HCN4: variants seen among roughly 807,000 people sequenced by gnomAD.
HCN4 encodes the protein hyperpolarization activated cyclic nucleotide gated potassium channel 4, also known as potassium/sodium hyperpolarization-activated cyclic nucleotide-gated channel 4.
Under a neutral mutation model 76.9 loss-of-function variants are expected in HCN4, and 29 were observed. That is an observed-to-expected ratio of 0.38 (90% confidence interval 0.28 to 0.51). The LOEUF (loss-of-function observed/expected upper bound fraction) is 0.51. Ranked by LOEUF, HCN4 falls within the 20% of genes least tolerant of loss-of-function variation. HCN4 has a pLI of 0.90. For missense variants in HCN4, 1,416 were observed against 1,715.2 expected (o/e 0.83, Z 3.08); for synonymous variants, 772 against 762.5 (o/e 1.01, Z -0.21).
chr15:73,326,848 A>G (rs1040437897), intron 4 of HCN4, among the ~76,000 whole-genome samples: 5 of 149,598 alleles, frequency 3.3e-5, no homozygotes, highest in African/African-American at 1.2e-4. Context: ...GTGCAGTGAT[A>G]TGAACACAGC....
chr15:73,362,701 G>T (rs1392665724), intron 1 of HCN4, among the ~76,000 whole-genome samples: 1 of 152,208 alleles, frequency 6.6e-6, no homozygotes, highest in Non-Finnish European at 1.5e-5. Flanking sequence ...GGTCAGCACA[G>T]TTGGAAACTC....
At chr15:73,355,622 T>G (rs1413449545) in intron 1 of HCN4, among the ~76,000 whole-genome samples, 1 of 152,174 alleles carries the variant, frequency 6.6e-6, no homozygotes, top group Non-Finnish European at 1.5e-5. Flanking sequence ...CCGCACCTTC[T>G]CAACAGCACA....
At position 73,323,128 on chromosome 15, in the gene HCN4, C is replaced by T; in HGVS notation, c.2965G>A (p.Gly989Ser). The T allele has an allele frequency of 6.3e-7, 1 of 1,593,406 alleles. No individual in the cohort carries two copies. Among genetic ancestry groups the T allele is most frequent in the Non-Finnish European group, 8.5e-7 (1 of 1,171,694 alleles). ...GGTGTCTCTGGCGTGCTCAGTGGGC[C>T]AGTGGCCAGACCTAGGGACAACTCC... ...PGELSLGLAT[G>S]PLSTPETPPR... Residue 989 changes from glycine to serine, a missense_variant, in exon 8 of 8, where the codon GGC (glycine) becomes AGC (serine). Physicochemically the swap from Gly to Ser is moderately conservative, Grantham distance 56. Transcript: ENST00000261917.
intron 1 of HCN4, among the ~76,000 whole-genome samples, chr15:73,357,417 G>A (rs539161362): frequency 1.9e-4 from 29 of 152,114 alleles, no homozygotes; most frequent in East Asian, 7.8e-4. Flanking sequence ...AGATGATCCC[G>A]CTGGCCTGTC....
At chr15:73,353,493 C>T (rs555983232) in intron 1 of HCN4, among the ~76,000 whole-genome samples, 4 of 152,300 alleles carry the variant, frequency 2.6e-5, no homozygotes, top group Admixed American at 6.5e-5. Flanking sequence ...TAACATCACA[C>T]GCATGTCAGT....
chr15:73,322,305 C>T lies in HCN4; in HGVS notation c.*176G>A. On this transcript the variant is annotated 3_prime_UTR_variant, in exon 8 of 8. Coordinates refer to ENST00000261917, the MANE Select transcript of HCN4 (RefSeq NM_005477.3). ...AAAATAGTCTATAAAAGCAAGTGACCAAAAATCTATAGCTCTAAGAATACC... is the reference window on the plus strand; with the variant it reads ...AAAATAGTCTATAAAAGCAAGTGACTAAAAATCTATAGCTCTAAGAATACC... 1.5e-6 allele frequency: 1 copy of T among 666,368 alleles called. No individual in the cohort carries two copies. The allele number at this position is 666,368 out of a possible 1,614,324, so 41.3% of individuals were successfully genotyped here.
rs566033956 is a variant in HCN4, at chr15:73,367,302, G to C, written c.785+184C>G. 4.6e-5 allele frequency among the ~76,000 whole-genome samples: 7 copies of C among 152,254 alleles called. No individual in the cohort carries two copies. Among genetic ancestry groups the C allele is most frequent in the African/African-American group, 9.6e-5 (4 of 41,558 alleles). On this transcript the variant is annotated intron_variant, in intron 1 of 7. Transcript: ENST00000261917. The surrounding 1 kb of genome is among the most constrained non-coding windows in gnomAD (Gnocchi z 7.5). ...AGAAGACCAGTGACTGAACCCAGAG[G>C]AAAGTTCCCCCAGCGCGGTGCAGGA... is the stretch of plus-strand genomic sequence containing the variant.
intron 1 of HCN4, among the ~76,000 whole-genome samples, chr15:73,359,616 A>G (rs1595834614): frequency 6.6e-6 from 1 of 152,064 alleles, no homozygotes; most frequent in East Asian, 1.9e-4. Context: ...CTGACCCTAG[A>G]CCAAACCCTT....
rs2042867531 is a variant in HCN4 at position 73,322,641 on chromosome 15, G to A, written c.3452C>T (p.Thr1151Ile). The change falls in exon 8 of 8, where the codon ACT (threonine) becomes ATT (isoleucine). Residue 1151 changes from threonine to isoleucine, a missense_variant. Transcript: ENST00000261917. Reference protein sequence around the residue: ...PYGAIPGQHVTLPRKTSSGSL... With the variant: ...PYGAIPGQHVILPRKTSSGSL... ...ACCTGAGGATGTCTTCCGAGGCAGA[G>A]TGACGTGCTGGCCGGGGATGGCACC... 2.5e-6 allele frequency: 4 copies of A among 1,610,862 alleles called. No individual in the cohort carries two copies. The highest frequency in any genetic ancestry group is 3.4e-6 in the Non-Finnish European group (4 of 1,179,070).
At position 73,323,442 on chromosome 15, in the gene HCN4, G is replaced by A; in HGVS notation, c.2651C>T (p.Pro884Leu). 1 of 1,609,632 alleles carries A rather than the reference G, an allele frequency of 6.2e-7. No individual in the cohort carries two copies. Among genetic ancestry groups the A allele is most frequent in the Non-Finnish European group, 8.5e-7 (1 of 1,179,078 alleles). Residue 884 changes from proline (P) to leucine (L), a missense_variant, in exon 8 of 8, where the codon CCC becomes CTC. Transcript: ENST00000261917. ...AGCCGAGGGGGAGCCACAGGCCCCG[G>A]GGGGTGGGGAGGAGCTGGATGAGGG... is the stretch of plus-strand genomic sequence containing the variant. ...LLPSSSSSPP[P>L]GACGSPSAPT...
rs958404769 is a variant in HCN4 at position 73,325,979 on chromosome 15, C to A, written c.1591-535G>T. Among the ~76,000 whole-genome samples, 1 of 152,134 alleles carries A rather than the reference C, an allele frequency of 6.6e-6. No individual in the cohort carries two copies. The highest frequency in any genetic ancestry group is 2.1e-4 in the South Asian group (1 of 4,826). On this transcript the variant is annotated intron_variant, in intron 4 of 7. Transcript: ENST00000261917. The surrounding 1 kb of genome is among the most constrained non-coding windows in gnomAD (Gnocchi z 7.4). ...CCTCAGCTGAGACCCCGGGTCATTT[C>A]GTTGAGAGCAACTCCAGGTAAGGGA...
intron 1 of HCN4, among the ~76,000 whole-genome samples, chr15:73,354,502 C>T (rs2043069123): frequency 6.6e-6 from 1 of 152,212 alleles, no homozygotes; most frequent in South Asian, 2.1e-4. Context: ...AACATCTGCA[C>T]TGTTAACAAG....
chr15:73,366,551 C>T (rs902772983), intron 1 of HCN4, among the ~76,000 whole-genome samples: 2 of 152,208 alleles, frequency 1.3e-5, no homozygotes, highest in Admixed American at 1.3e-4. Flanking sequence ...CATCCCTGAT[C>T]CCAACCCTAG....
At chr15:73,330,176 G>A (rs2042924802) in intron 3 of HCN4, among the ~76,000 whole-genome samples, 4 of 152,224 alleles carry the variant, frequency 2.6e-5, no homozygotes, top group African/African-American at 7.2e-5. Flanking sequence ...GCTGCCAAGT[G>A]AAGCCCATTT....
intron 1 of HCN4, among the ~76,000 whole-genome samples, chr15:73,364,402 C>A (rs2043119406): frequency 6.6e-6 from 1 of 152,150 alleles, no homozygotes; most frequent in Non-Finnish European, 1.5e-5. Flanking sequence ...CATTTCCTTT[C>A]TCTCCTCTTA....
chr15:73,354,571 T>C (rs1274526779), intron 1 of HCN4, among the ~76,000 whole-genome samples: 3 of 152,108 alleles, frequency 2.0e-5, no homozygotes, highest in African/African-American at 7.2e-5. Flanking sequence ...GGCCAGGCTA[T>C]TGTAGATGTA....
intron 1 of HCN4, among the ~76,000 whole-genome samples, chr15:73,349,506 C>T (rs890832352): frequency 1.4e-4 from 21 of 152,114 alleles, no homozygotes; most frequent in African/African-American, 5.1e-4. Flanking sequence ...AACCACTCCA[C>T]AGAAATATCA....
chr15:73,346,453 T>C (rs1172586166), intron 1 of HCN4, among the ~76,000 whole-genome samples: 1 of 151,788 alleles, frequency 6.6e-6, no homozygotes, highest in East Asian at 1.9e-4. Flanking sequence ...AGGAAAGAGG[T>C]AAGAGGGAGG....
At chr15:73,341,996 G>A (rs939745642) in intron 2 of HCN4, among the ~76,000 whole-genome samples, 2 of 152,190 alleles carry the variant, frequency 1.3e-5, no homozygotes, top group African/African-American at 4.8e-5. Flanking sequence ...TCAGCCACGC[G>A]GCACAGGGAT....
Sources: gnomAD v4.1 joint callset for allele counts (sites outside exome capture counted in the v4.1 genomes callset) on GRCh38, gnomAD v4.1.1 for gene constraint, Gnocchi (gnomAD v3.1) non-coding constraint, MANE v1.5 for transcripts, NCBI Gene and HGNC (gene_info 2026-07-23, HGNC 2026-07-21) for gene names.